GDNF: variants seen among roughly 807,000 people sequenced by gnomAD.
GDNF encodes glial cell line-derived neurotrophic factor.
Under a neutral mutation model 13.7 loss-of-function variants are expected in GDNF, and 5 were observed. That is an observed-to-expected ratio of 0.36 (90% CI 0.19 to 0.77). GDNF has a LOEUF of 0.77. Among genes scored for constraint, GDNF ranks in the 30% least tolerant of loss-of-function variants. The pLI, the probability that GDNF is intolerant of heterozygous loss-of-function variation, is 0.51. For missense variants in GDNF, 246 were observed against 274.3 expected (o/e 0.90, Z 0.73); for synonymous variants, 122 against 112.5 (o/e 1.08, Z -0.53).
intron 2 of GDNF, among the ~76,000 whole-genome samples, chr5:37,816,881 G>C (rs1351258326): frequency 6.6e-6 from 1 of 152,154 alleles, no homozygotes; most frequent in Non-Finnish European, 1.5e-5. Context: ...AATCATAAAG[G>C]AACAGGAAAA....
intron 2 of GDNF, among the ~76,000 whole-genome samples, chr5:37,829,390 G>A (rs938165226): frequency 3.3e-5 from 5 of 152,014 alleles, no homozygotes; most frequent in South Asian, 2.1e-4. Flanking sequence ...CCACACATGC[G>A]TACAGCTCAC....
chr5:37,834,847 G>A (rs1173237380), intron 1 of GDNF, 25 bp from the exon 2 acceptor site: 1 of 1,607,836 alleles, frequency 6.2e-7, no homozygotes, highest in East Asian at 2.2e-5. Flanking sequence ...GGGAGGTGGG[G>A]GAGAGAACCG....
At chr5:37,820,665 G>T (rs1750102756) in intron 2 of GDNF, among the ~76,000 whole-genome samples, 1 of 152,138 alleles carries the variant, frequency 6.6e-6, no homozygotes, top group Non-Finnish European at 1.5e-5. Context: ...AATGGAGGAG[G>T]CTATGCATGT....
chr5:37,815,510 C>A lies in GDNF; in HGVS notation c.*141G>T. ...CCTTCCTCCTCCTCCTCCTCCTCCT[C>A]CTCCTCCTCCTCTTCTTCTTCCTCC... is the stretch of plus-strand genomic sequence containing the variant. On this transcript the variant is annotated 3_prime_UTR_variant, in exon 3 of 3. Coordinates refer to ENST00000326524, the MANE Select transcript of GDNF (RefSeq NM_000514.4). This position sits in a 1 kb window ranked among gnomAD's most constrained non-coding sequence, Gnocchi z 5.0. 2.6e-6 allele frequency: 2 copies of A among 767,890 alleles called. No individual in the cohort carries two copies. The highest frequency in any genetic ancestry group is 2.6e-5 in the East Asian group (1 of 38,298). The allele number at this position is 767,890 out of a possible 1,614,324, so 47.6% of individuals were successfully genotyped here. A position where few individuals can be genotyped will look rare whatever the true frequency, so the allele number is the denominator to read the frequency against.
intron 2 of GDNF, among the ~76,000 whole-genome samples, chr5:37,824,866 T>G (rs1477806251): frequency 1.3e-5 from 2 of 152,244 alleles, no homozygotes; most frequent in South Asian, 2.1e-4. Flanking sequence ...GAGCTACCAG[T>G]GCATTCTCTT....
chr5:37,836,976 A>C (rs1029532893), intron 1 of GDNF, among the ~76,000 whole-genome samples: 1 of 152,168 alleles, frequency 6.6e-6, no homozygotes, highest in Non-Finnish European at 1.5e-5. Context: ...CCCTCGGCCG[A>C]GCGCCGCCAG....
chr5:37,818,592 A>T (rs780352751), intron 2 of GDNF, among the ~76,000 whole-genome samples: 2 of 152,102 alleles, frequency 1.3e-5, no homozygotes, highest in African/African-American at 2.4e-5. Context: ...AGCATCCCCC[A>T]TCCTAGTCAT....
chr5:37,835,476 AC>A, intron 1 of GDNF: 9 of 1,465,144 alleles, frequency 6.1e-6, no homozygotes, highest in Non-Finnish European at 8.1e-6. Context: ...GGACTTGGAG[AC>A]TTTTGGCCTG....
At chr5:37,835,446 C>G (rs766215830) in intron 1 of GDNF, 3 of 1,444,216 alleles carry the variant, frequency 2.1e-6, no homozygotes, top group African/African-American at 2.9e-5. Flanking sequence ...TATTCTGTTG[C>G]GAGAGCAAGA....
In GDNF at chr5:37,815,963, C is replaced by G; in HGVS notation, c.324G>C (p.Arg108=). The G allele has an allele frequency of 6.2e-7, 1 of 1,614,164 alleles. No individual in the cohort carries two copies. Among genetic ancestry groups the G allele is most frequent in the African/African-American group, 1.3e-5 (1 of 75,044 alleles). ...CCCGGTTTTTGCCCCTCTGGCCTCT[C>G]CGACCTTTTCCTCTGGAATTCTCTG... ...ANPENSRGKG[R]RGQRGKNRGC... is the part of the protein sequence containing the mutation. The change falls in exon 3 of 3, where the codon CGG becomes CGC. Residue 108 remains arginine, a synonymous_variant. Coordinates refer to ENST00000326524, the MANE Select transcript of GDNF (RefSeq NM_000514.4). The surrounding 1 kb of genome is among the most constrained non-coding windows in gnomAD (Gnocchi z 5.0).
rs951709776 is a variant in GDNF at position 37,821,787 on chromosome 5, T to C, written c.152-5652A>G. 1.8e-4 allele frequency among the ~76,000 whole-genome samples: 27 copies of C among 152,326 alleles called. No homozygotes were observed. In the East Asian group the frequency reaches 4.1e-3, roughly 23 times the overall value. ...GAACAAAGGACTGAGATAGTGACTA[T>C]TTTGTAAAGTCAACTGAGTTTTAAT... On this transcript the variant is annotated intron_variant, in intron 2 of 2. Transcript: ENST00000326524.
At chr5:37,835,877 G>C (rs1561137557) in intron 1 of GDNF, 3 of 589,850 alleles carry the variant, frequency 5.1e-6, no homozygotes, top group Non-Finnish European at 9.1e-6. Flanking sequence ...GCAGAGTAGG[G>C]GGTTCAGCTC....
Position 37,815,754 on chromosome 5 carries a change from C to T in GDNF, c.533G>A (p.Cys178Tyr), listed in dbSNP as rs1228535471. 8.1e-6 allele frequency: 13 copies of T among 1,613,998 alleles called. No individual in the cohort carries two copies. In the Admixed American group the frequency reaches 8.3e-5, roughly 10 times the overall value. ...ATCATCAAAGGCGATGGGTCTGCAA[C>T]ATGCCTGCCCTACTTTGTCACTCAC... The part of the protein sequence containing the change: ...RLVSDKVGQA[C>Y]CRPIAFDDDL... The change falls in exon 3 of 3, where the codon TGT becomes TAT. Residue 178 changes from cysteine (C) to tyrosine (Y), a missense_variant. Coordinates refer to ENST00000326524, the MANE Select transcript of GDNF (RefSeq NM_000514.4). This position sits in a 1 kb window ranked among gnomAD's most constrained non-coding sequence, Gnocchi z 5.0.
chr5:37,817,101 C>T (rs1749958989), intron 2 of GDNF, among the ~76,000 whole-genome samples: 1 of 152,158 alleles, frequency 6.6e-6, no homozygotes, highest in Non-Finnish European at 1.5e-5. Flanking sequence ...CACTGTCTGG[C>T]TGCAAGCAGG....
In GDNF at chr5:37,812,758, A is replaced by G. The variant is rs933714573; in HGVS notation, c.*2893T>C. The G allele has an allele frequency of 6.6e-6, 1 of 152,264 alleles. No individual in the cohort carries two copies. Among genetic ancestry groups the G allele is most frequent in the African/African-American group, 2.4e-5 (1 of 41,474 alleles). The allele number at this position is 152,264 out of a possible 1,614,324, so 9.4% of individuals were successfully genotyped here. A position where few individuals can be genotyped will look rare whatever the true frequency, so the allele number is the denominator to read the frequency against. On this transcript the variant is annotated 3_prime_UTR_variant, in exon 3 of 3. Transcript: ENST00000326524. Reference sequence around the variant, plus strand: ...AAAGTCTGTAGAGAACTTTGGTTTTATAACACAAACGACCAAGACAGATCA... The same window carrying G: ...AAAGTCTGTAGAGAACTTTGGTTTTGTAACACAAACGACCAAGACAGATCA...
intron 2 of GDNF, among the ~76,000 whole-genome samples, chr5:37,826,773 C>T (rs928644050): frequency 5.9e-5 from 9 of 152,188 alleles, no homozygotes; most frequent in African/African-American, 2.2e-4. Context: ...GGTCTGCCTG[C>T]GGATGCTCCT....
chr5:37,837,309 G>A lies in GDNF; in HGVS notation c.-27+2198C>T, dbSNP rs1166214928. 6.6e-6 allele frequency among the ~76,000 whole-genome samples: 1 copy of A among 152,232 alleles called. No individual in the cohort carries two copies. Among genetic ancestry groups the A allele is most frequent in the African/African-American group, 2.4e-5 (1 of 41,468 alleles). On this transcript the variant is annotated intron_variant, in intron 1 of 2. Transcript: ENST00000326524. The surrounding 1 kb of genome is among the most constrained non-coding windows in gnomAD (Gnocchi z 6.5). ...AACTGCTTTACGCGCCGCCACGTGCGAGAACCAAGCTCTGCTCCTCAAGTG... is the reference window on the plus strand; with the variant it reads ...AACTGCTTTACGCGCCGCCACGTGCAAGAACCAAGCTCTGCTCCTCAAGTG...
rs562020634 is a variant in GDNF, at chr5:37,837,504, A to T, written c.-27+2003T>A. On this transcript the variant is annotated intron_variant, in intron 1 of 2. Coordinates refer to ENST00000326524, the MANE Select transcript of GDNF (RefSeq NM_000514.4). This position sits in a 1 kb window ranked among gnomAD's most constrained non-coding sequence, Gnocchi z 6.5. ...GGAGGCAAGGACGCCCAGGAAAGCCACAGAAGTGCTCGCAGAAGCAGCCGC... is the reference window on the plus strand; with the variant it reads ...GGAGGCAAGGACGCCCAGGAAAGCCTCAGAAGTGCTCGCAGAAGCAGCCGC... Among the ~76,000 whole-genome samples the T allele has an allele frequency of 5.9e-5, 9 of 152,240 alleles. No homozygotes were observed. The South Asian group carries it at 1.9e-3, about 32-fold the overall frequency.
intron 2 of GDNF, among the ~76,000 whole-genome samples, chr5:37,820,911 C>CT (rs976082291): frequency 5.9e-5 from 9 of 151,544 alleles, no homozygotes; most frequent in Admixed American, 2.6e-4. Context: ...AAGCTGAAGG[C>CT]TTTTTTTTCC....
Sources: gnomAD v4.1 joint callset for allele counts (sites outside exome capture counted in the v4.1 genomes callset) on GRCh38, gnomAD v4.1.1 for gene constraint, Gnocchi (gnomAD v3.1) non-coding constraint, MANE v1.5 for transcripts, NCBI Gene and HGNC (gene_info 2026-07-23, HGNC 2026-07-21) for gene names.